The following HIP1 variants were observed in gnomAD, a reference collection of about 807,000 sequenced individuals.
The protein encoded by HIP1 is huntingtin interacting protein 1.
A neutral mutation model predicts 147.6 loss-of-function variants in HIP1; 65 were observed. That is an observed-to-expected ratio of 0.44 (90% confidence interval 0.36 to 0.54). HIP1 has a LOEUF of 0.54. Ranked by LOEUF, HIP1 falls within the 20% of genes least tolerant of loss-of-function variation. The pLI is 0.00. For missense variants in HIP1, 1,061 were observed against 1,299.6 expected (o/e 0.82, Z 2.82); for synonymous variants, 479 against 504.0 (o/e 0.95, Z 0.67).
intron 8 of HIP1, among the ~76,000 whole-genome samples, chr7:75,572,952 G>C (rs587684253): frequency 6.6e-6 from 1 of 152,148 alleles, no homozygotes; most frequent in Non-Finnish European, 1.5e-5. Flanking sequence ...CCCTGCTGTC[G>C]GCACCCACTC....
At chr7:75,628,639 C>T (rs996578751) in intron 1 of HIP1, among the ~76,000 whole-genome samples, 6 of 152,234 alleles carry the variant, frequency 3.9e-5, no homozygotes, top group African/African-American at 1.2e-4. Flanking sequence ...CTGCCGCACC[C>T]GGCTAATTTT....
chr7:75,647,173 C>T (rs1349113369), intron 1 of HIP1, among the ~76,000 whole-genome samples: 2 of 127,648 alleles, frequency 1.6e-5, no homozygotes, highest in Non-Finnish European at 3.1e-5. Flanking sequence ...TGAGACCAGC[C>T]TGGCCAATAT....
chr7:75,632,569 T>C (rs1798270711), intron 1 of HIP1, among the ~76,000 whole-genome samples: 2 of 150,542 alleles, frequency 1.3e-5, no homozygotes, highest in Admixed American at 1.3e-4. Flanking sequence ...TTCTTTTTTT[T>C]TTTTTTTTTG....
chr7:75,590,958 A>G (rs1796481302), intron 4 of HIP1, among the ~76,000 whole-genome samples: 1 of 152,170 alleles, frequency 6.6e-6, no homozygotes, highest in South Asian at 2.1e-4. Flanking sequence ...AGATACAGGT[A>G]AGACTGTGCA....
At chr7:75,636,376 A>C (rs1798429933) in intron 1 of HIP1, among the ~76,000 whole-genome samples, 1 of 152,156 alleles carries the variant, frequency 6.6e-6, no homozygotes, top group Admixed American at 6.5e-5. Flanking sequence ...AATCACGCAG[A>C]ATCAGGTAAA....
chr7:75,710,148 T>C (rs1007681395), intron 1 of HIP1, among the ~76,000 whole-genome samples: 1 of 152,176 alleles, frequency 6.6e-6, no homozygotes, highest in African/African-American at 2.4e-5. Context: ...TCCTCCGACC[T>C]TGGCCTCCCA....
At chr7:75,579,842 C>A (rs1795974364) in intron 7 of HIP1, among the ~76,000 whole-genome samples, 1 of 152,128 alleles carries the variant, frequency 6.6e-6, no homozygotes, top group Non-Finnish European at 1.5e-5. Context: ...GGGCATGAGA[C>A]CACCAAGCTT....
At chr7:75,544,885 C>A (rs915978292) in intron 26 of HIP1, 85 bp from the exon 27 acceptor site, 3 of 925,476 alleles carry the variant, frequency 3.2e-6, no homozygotes, top group Non-Finnish European at 5.2e-6. Flanking sequence ...CACCCCATCG[C>A]CCTTGGCTAA....
chr7:75,610,200 G>GC (rs1797381393), intron 1 of HIP1, among the ~76,000 whole-genome samples: 1 of 130,278 alleles, frequency 7.7e-6, no homozygotes, highest in Non-Finnish European at 1.5e-5. Context: ...ACCTCATCCA[G>GC]CCCTTTTTTT....
At chr7:75,570,308 T>C (rs1444195077) in intron 8 of HIP1, among the ~76,000 whole-genome samples, 17 of 151,102 alleles carry the variant, frequency 1.1e-4, no homozygotes, top group African/African-American at 3.2e-4. Context: ...TTTTTTTTTT[T>C]CGAGACGATG....
intron 1 of HIP1, among the ~76,000 whole-genome samples, chr7:75,732,504 G>A (rs1801869602): frequency 6.6e-6 from 1 of 152,022 alleles, no homozygotes; most frequent in Admixed American, 6.6e-5. Context: ...CCGAGTAGCT[G>A]GGACTACAGG....
intron 8 of HIP1, among the ~76,000 whole-genome samples, chr7:75,573,475 G>A (rs1413662278): frequency 6.6e-6 from 1 of 152,158 alleles, no homozygotes; most frequent in Non-Finnish European, 1.5e-5. Flanking sequence ...AAGAACTCGG[G>A]CAAAGGCACC....
intron 1 of HIP1, among the ~76,000 whole-genome samples, chr7:75,634,933 C>T (rs1798369344): frequency 1.0e-5 from 1 of 98,448 alleles, no homozygotes. Context: ...GAGTGAGACA[C>T]TATCTCTGAA....
chr7:75,559,703 G>GGCCGCCCCCCCC, intron 14 of HIP1, 29 bp downstream of exon 14: 2 of 1,195,144 alleles, frequency 1.7e-6, no homozygotes, highest in Non-Finnish European at 2.3e-6. Context: ...TGCCCCCGGG[G>GGCCGCCCCCCCC]CCCGCCCCCG....
intron 1 of HIP1, among the ~76,000 whole-genome samples, chr7:75,647,979 A>C (rs571584522): frequency 6.6e-6 from 1 of 152,388 alleles, no homozygotes; most frequent in African/African-American, 2.4e-5. Context: ...CCAGCTGGGC[A>C]GGGAGTTCCA....
chr7:75,631,499 A>G (rs587597212), intron 1 of HIP1, among the ~76,000 whole-genome samples: 20 of 152,276 alleles, frequency 1.3e-4, no homozygotes, highest in Non-Finnish European at 2.4e-4. Context: ...CTCTGTGCAC[A>G]GGGGACAGGG....
intron 1 of HIP1, among the ~76,000 whole-genome samples, chr7:75,715,672 G>A (rs1801294287): frequency 6.6e-6 from 1 of 150,742 alleles, no homozygotes; most frequent in African/African-American, 2.4e-5. Flanking sequence ...CTACTCAGGA[G>A]GCTGAGGCAG....
At position 75,711,432 on chromosome 7, in the gene HIP1, C is replaced by A. The variant is rs191352097; in HGVS notation, c.120+27369G>T. On this transcript the variant is annotated intron_variant, in intron 1 of 30. Coordinates refer to ENST00000336926, the MANE Select transcript of HIP1 (RefSeq NM_005338.7). ...AAAGATGGTGAAATGTAGACATTTA[C>A]AGACATACAAAGTTTAAGAGAGTTC... Among the ~76,000 whole-genome samples, 11 of 152,210 alleles carry A rather than the reference C, an allele frequency of 7.2e-5. No individual in the cohort carries two copies. In the East Asian group the frequency reaches 2.1e-3, roughly 29 times the overall value.
At chr7:75,616,615 A>AG (rs1563248085) in intron 1 of HIP1, among the ~76,000 whole-genome samples, 6 of 80,158 alleles carry the variant, frequency 7.5e-5, no homozygotes, top group African/African-American at 1.8e-4. Context: ...AGGAGGAGGA[A>AG]GAGGAGGAGG....
Sources: allele counts gnomAD v4.1 joint callset (sites outside exome capture counted in the v4.1 genomes callset), GRCh38; gene constraint gnomAD v4.1.1; transcripts MANE v1.5; gene names NCBI Gene and HGNC (gene_info 2026-07-23, HGNC 2026-07-21).